Variants in CLEC16A observed in about 807,000 individuals in gnomAD.
CLEC16A encodes the protein protein CLEC16A.
A neutral mutation model predicts 109.5 loss-of-function variants in CLEC16A; 51 were observed. That is an observed-to-expected ratio of 0.47 (90% CI 0.37 to 0.59). The LOEUF (loss-of-function observed/expected upper bound fraction) is 0.59. CLEC16A is among the 20% of genes least tolerant of loss of function. The pLI is 0.00. For missense variants in CLEC16A, 1,339 were observed against 1,394.0 expected (o/e 0.96, Z 0.63); for synonymous variants, 673 against 564.2 (o/e 1.19, Z -2.73).
chr16:11,131,100 A>G (rs183296146), intron 22 of CLEC16A, among the ~76,000 whole-genome samples: 2 of 152,014 alleles, frequency 1.3e-5, no homozygotes, highest in African/African-American at 2.4e-5. Context: ...CAGAATGTTC[A>G]GCTTCACGAG....
chr16:10,950,421 T>C (rs547774715), intron 1 of CLEC16A, among the ~76,000 whole-genome samples: 36 of 152,274 alleles, frequency 2.4e-4, no homozygotes, highest in Non-Finnish European at 5.0e-4. Context: ...CCCAGTTTAG[T>C]CACAGCACCT....
chr16:11,023,684 T>C (rs942712489), intron 12 of CLEC16A, among the ~76,000 whole-genome samples: 2 of 152,054 alleles, frequency 1.3e-5, no homozygotes, highest in African/African-American at 4.8e-5. Flanking sequence ...AATTCAAAAC[T>C]GTGTCAAAGG....
intron 10 of CLEC16A, among the ~76,000 whole-genome samples, chr16:10,991,941 G>T (rs1187171170): frequency 6.6e-6 from 1 of 152,188 alleles, no homozygotes; most frequent in Non-Finnish European, 1.5e-5. Flanking sequence ...ATGCCTGAGG[G>T]CAGTGCAGCT....
chr16:11,047,045 A>G (rs2047671315), intron 16 of CLEC16A, among the ~76,000 whole-genome samples: 1 of 152,174 alleles, frequency 6.6e-6, no homozygotes, highest in African/African-American at 2.4e-5. Context: ...GCTTTGACAG[A>G]AGAATTCTAA....
At chr16:11,034,114 A>G (rs1431805950) in intron 13 of CLEC16A, among the ~76,000 whole-genome samples, 1 of 152,236 alleles carries the variant, frequency 6.6e-6, no homozygotes, top group Non-Finnish European at 1.5e-5. Context: ...CGATATGGAA[A>G]AGGTTGAAAG....
At chr16:11,139,451 A>T (rs2053721630) in intron 22 of CLEC16A, among the ~76,000 whole-genome samples, 1 of 152,066 alleles carries the variant, frequency 6.6e-6, no homozygotes, top group East Asian at 1.9e-4. Flanking sequence ...ACACAGTATT[A>T]TTTTTTTTAA....
At chr16:11,081,575 C>G (rs2049720096) in intron 19 of CLEC16A, among the ~76,000 whole-genome samples, 1 of 152,140 alleles carries the variant, frequency 6.6e-6, no homozygotes, top group African/African-American at 2.4e-5. Context: ...CTTCCACTCC[C>G]CTCCCCACCT....
At chr16:11,150,323 T>C (rs553219497) in intron 22 of CLEC16A, 1 of 152,254 alleles carries the variant, frequency 6.6e-6, no homozygotes, top group Non-Finnish European at 1.5e-5. Context: ...TATACCCTGC[T>C]GCACCTTGCT....
chr16:11,165,312 G>A (rs1009431778), intron 22 of CLEC16A, among the ~76,000 whole-genome samples: 10 of 151,700 alleles, frequency 6.6e-5, no homozygotes, highest in African/African-American at 2.4e-4. Context: ...GCAATACAGT[G>A]GGACCCCCAT....
intron 23 of CLEC16A, among the ~76,000 whole-genome samples, chr16:11,177,867 T>A (rs78102454): frequency 1.1e-4 from 17 of 151,542 alleles, no homozygotes; most frequent in African/African-American, 3.4e-4. Flanking sequence ...TTTTTTTTTT[T>A]AATATTGCAG....
At chr16:11,143,591 C>T (rs2053934650) in intron 22 of CLEC16A, among the ~76,000 whole-genome samples, 1 of 152,250 alleles carries the variant, frequency 6.6e-6, no homozygotes, top group Non-Finnish European at 1.5e-5. Flanking sequence ...CTGTCAGCTG[C>T]ATCTGCCGTC....
intron 19 of CLEC16A, among the ~76,000 whole-genome samples, chr16:11,084,803 C>A (rs1359952140): frequency 1.3e-5 from 2 of 152,314 alleles, no homozygotes; most frequent in East Asian, 3.9e-4. Context: ...AAAAAGCCTG[C>A]CCTTGTTCAG....
At position 11,060,957 on chromosome 16, in the gene CLEC16A, C is replaced by T; in HGVS notation, c.2051C>T (p.Pro684Leu). ...CTGTCACTGCAATTGCGAGGGGAGC[C>T]TGAGACACAGTTGCCGCTGACTCGG... ...RSLSLQLRGE[P>L]ETQLPLTREE... The change falls in exon 19 of 24, where the codon CCT becomes CTT. Residue 684 changes from proline to leucine, a missense_variant. Physicochemically the swap from Pro to Leu is moderately conservative, Grantham distance 98. Around this residue, in one of 3 missense-constraint regions of CLEC16A, gnomAD observed 1,061 missense variants for 1,006.8 expected, o/e 1.05. Coordinates refer to ENST00000409790, the MANE Select transcript of CLEC16A (RefSeq NM_015226.3). 1.2e-6 allele frequency: 2 copies of T among 1,612,862 alleles called. No individual in the cohort carries two copies. The highest frequency in any genetic ancestry group is 1.7e-6 in the Non-Finnish European group (2 of 1,179,548).
chr16:11,065,066 C>T (rs985967136), intron 19 of CLEC16A, among the ~76,000 whole-genome samples: 3 of 152,172 alleles, frequency 2.0e-5, no homozygotes, highest in African/African-American at 4.8e-5. Context: ...AAAGATATAG[C>T]TCTGGCTGCT....
intron 19 of CLEC16A, among the ~76,000 whole-genome samples, chr16:11,080,320 G>GT (rs2049631774): frequency 3.3e-5 from 5 of 152,340 alleles, no homozygotes; most frequent in Non-Finnish European, 7.3e-5. Context: ...ATACAGAGTA[G>GT]TTGGGCCCTT....
At chr16:10,993,555 A>T (rs761660299) in intron 10 of CLEC16A, among the ~76,000 whole-genome samples, 1 of 152,208 alleles carries the variant, frequency 6.6e-6, no homozygotes, top group African/African-American at 2.4e-5. Context: ...CACTGTTTCT[A>T]TTCCAAGTCT....
At chr16:11,165,727 C>T (rs1182457273) in intron 22 of CLEC16A, among the ~76,000 whole-genome samples, 1 of 152,138 alleles carries the variant, frequency 6.6e-6, no homozygotes, top group Non-Finnish European at 1.5e-5. Flanking sequence ...ATGAGGGGCT[C>T]GTTCATCCCC....
At chr16:11,112,277 C>T (rs567077302) in intron 19 of CLEC16A, among the ~76,000 whole-genome samples, 1 of 152,252 alleles carries the variant, frequency 6.6e-6, no homozygotes, top group Admixed American at 6.5e-5. Flanking sequence ...CACTTATTAT[C>T]CACTGTAAAA....
chr16:11,071,600 CT>C (rs762936938), intron 19 of CLEC16A, among the ~76,000 whole-genome samples: 747 of 118,862 alleles, frequency 6.3e-3, no homozygotes, highest in Middle Eastern at 0.014. Context: ...TATTACGTTT[CT>C]TTTTTTTTTT....
Sources: gnomAD v4.1 joint callset for allele counts (sites outside exome capture counted in the v4.1 genomes callset) on GRCh38, gnomAD v4.1.1 for gene constraint, gnomAD v4.1.1 regional missense constraint, MANE v1.5 for transcripts, NCBI Gene and HGNC (gene_info 2026-07-23, HGNC 2026-07-21) for gene names.